Variants in TRPM3 observed in about 807,000 individuals in gnomAD.
TRPM3 encodes the protein long transient receptor potential channel 3.
Under a neutral mutation model 181.2 loss-of-function variants are expected in TRPM3, and 77 were observed. That is an observed-to-expected ratio of 0.42 (90% CI 0.35 to 0.51). The LOEUF (loss-of-function observed/expected upper bound fraction) is 0.51. Ranked by LOEUF, TRPM3 falls within the 20% of genes least tolerant of loss-of-function variation. The probability of loss-of-function intolerance (pLI) is 0.01; values close to 1 mark genes in which losing one functional copy is unlikely to be tolerated. For missense variants in TRPM3, 1,759 were observed against 2,196.7 expected, an observed-to-expected ratio of 0.80 and a Z score of 3.98; for synonymous variants, 745 against 796.4, an observed-to-expected ratio of 0.94 and a Z score of 1.09.
At chr9:71,130,923 A>C (rs796652457) in intron 1 of TRPM3, among the ~76,000 whole-genome samples, 54 of 152,334 alleles carry the variant, frequency 3.5e-4, no homozygotes, top group African/African-American at 1.3e-3. Context: ...TTGTACTTTA[A>C]TTAAATTCTT....
chr9:70,572,130 G>A (rs1370933578), intron 22 of TRPM3, among the ~76,000 whole-genome samples: 2 of 152,030 alleles, frequency 1.3e-5, no homozygotes, highest in African/African-American at 4.8e-5. Flanking sequence ...GTGTGTGTGT[G>A]TGTGTGTGTT....
At chr9:71,227,203 T>G (rs1206501702) in intron 1 of TRPM3, among the ~76,000 whole-genome samples, 1 of 151,676 alleles carries the variant, frequency 6.6e-6, no homozygotes, top group African/African-American at 2.4e-5. Context: ...AGAAGAATTT[T>G]GGAAACCATA....
At chr9:71,025,783 A>T (rs2134581223) in intron 1 of TRPM3, among the ~76,000 whole-genome samples, 1 of 152,294 alleles carries the variant, frequency 6.6e-6, no homozygotes, top group Non-Finnish European at 1.5e-5. Flanking sequence ...AAGATGTCCA[A>T]CTAAACACAG....
intron 1 of TRPM3, among the ~76,000 whole-genome samples, chr9:71,106,809 C>A (rs1455522465): frequency 1.3e-5 from 2 of 152,086 alleles, no homozygotes; most frequent in Non-Finnish European, 2.9e-5. Flanking sequence ...TAAAATGTTT[C>A]TCCACAATGA....
intron 1 of TRPM3, among the ~76,000 whole-genome samples, chr9:71,325,800 T>C (rs574997729): frequency 1.3e-5 from 2 of 152,134 alleles, no homozygotes; most frequent in Non-Finnish European, 2.9e-5. Context: ...TGCCACATGC[T>C]TCATTAAATG....
intron 9 of TRPM3, among the ~76,000 whole-genome samples, chr9:70,667,194 A>C (rs1296865317): frequency 1.3e-5 from 2 of 151,958 alleles, no homozygotes; most frequent in Non-Finnish European, 2.9e-5. Flanking sequence ...AGTGGGCATA[A>C]GAGTGCTGAC....
At chr9:71,286,027 AG>A (rs2085251067) in intron 1 of TRPM3, among the ~76,000 whole-genome samples, 1 of 142,800 alleles carries the variant, frequency 7.0e-6, no homozygotes, top group Non-Finnish European at 1.6e-5. Context: ...TGTGATTTTC[AG>A]GGAAAGAAAA....
At chr9:70,578,923 C>T (rs537128157) in intron 22 of TRPM3, among the ~76,000 whole-genome samples, 7 of 152,290 alleles carry the variant, frequency 4.6e-5, no homozygotes, top group East Asian at 1.9e-4. Context: ...ATGTTAGTAG[C>T]GCCCCCTGGG....
chr9:70,774,877 A>T (rs1391318956), intron 7 of TRPM3: 1 of 151,746 alleles, frequency 6.6e-6, no homozygotes, highest in Non-Finnish European at 1.5e-5. Flanking sequence ...AACTGAATGG[A>T]GACTTTTCTA....
intron 1 of TRPM3, among the ~76,000 whole-genome samples, chr9:71,110,874 G>T (rs1222268475): frequency 7.9e-5 from 12 of 152,100 alleles, no homozygotes; most frequent in South Asian, 2.1e-4. Context: ...ATCTTTGAAT[G>T]CTCACATGAG....
chr9:71,399,472 C>T, intron 1 of TRPM3, among the ~76,000 whole-genome samples: 1 of 147,410 alleles, frequency 6.8e-6, no homozygotes, highest in East Asian at 2.0e-4. Flanking sequence ...AGTAAGCTAT[C>T]TTTGGATAAT....
chr9:70,553,004 G>T lies in TRPM3; in HGVS notation c.3414C>A (p.Val1138=), dbSNP rs532630333. 6.2e-7 allele frequency: 1 copy of T among 1,614,190 alleles called. No homozygotes were observed. Among genetic ancestry groups the T allele is most frequent in the African/African-American group, 1.3e-5 (1 of 75,044 alleles). Residue 1138 remains valine, a synonymous_variant, in exon 24 of 26, where the codon GTC becomes GTA. Transcript: ENST00000677713. The stretch of plus-strand genomic sequence containing the variant: ...TGAGCTGATACCTCTGAAACTTCCA[G>T]ACTTGGTTGGATATCGATTTTACTT... ...FFEVKSISNQ[V]WKFQRYQLIM...
chr9:70,778,469 C>CCCTT (rs2081871654), intron 7 of TRPM3, among the ~76,000 whole-genome samples: 3 of 152,148 alleles, frequency 2.0e-5, no homozygotes, highest in Non-Finnish European at 4.4e-5. Flanking sequence ...ACTTGGAAAA[C>CCCTT]AGTTTACAAA....
chr9:70,537,091 G>T lies in TRPM3; in HGVS notation c.4022C>A (p.Thr1341Asn), dbSNP rs940339995. 6 of 1,609,888 alleles carry T rather than the reference G, an allele frequency of 3.7e-6. No homozygotes were observed. The highest frequency in any genetic ancestry group is 5.1e-6 in the Non-Finnish European group (6 of 1,176,488). The change falls in exon 26 of 26, where the codon ACC becomes AAC. Residue 1341 changes from threonine (T) to asparagine (N), a missense_variant. This residue lies in a region of TRPM3 where 612 missense variants were observed against 590.0 expected (regional missense o/e 1.04). Transcript: ENST00000677713. ...ATGGCTTCGCATACGGGGCATTAAGGTTGGAGAAGTTGGGGACATGGTCTC... is the reference window on the plus strand; with the variant it reads ...ATGGCTTCGCATACGGGGCATTAAGTTTGGAGAAGTTGGGGACATGGTCTC... ...GEETMSPTSP[T>N]LMPRMRSHSF...
chr9:70,961,208 G>A (rs758355310), intron 1 of TRPM3, among the ~76,000 whole-genome samples: 23 of 152,054 alleles, frequency 1.5e-4, no homozygotes, highest in Non-Finnish European at 1.9e-4. Flanking sequence ...ATGGAGGAAG[G>A]GGACACAAGC....
intron 16 of TRPM3, among the ~76,000 whole-genome samples, chr9:70,619,413 T>C (rs2063292630): frequency 9.3e-6 from 1 of 107,418 alleles, no homozygotes; most frequent in African/African-American, 3.5e-5. Flanking sequence ...CTTCTTTTTT[T>C]TTTTTTTTTT....
chr9:70,688,298 A>AC (rs1288690116), intron 8 of TRPM3, among the ~76,000 whole-genome samples: 1 of 151,550 alleles, frequency 6.6e-6, no homozygotes, highest in East Asian at 1.9e-4. Flanking sequence ...AAAACTTTAA[A>AC]AAAATTATTT....
chr9:71,371,920 T>A (rs1182760575), intron 1 of TRPM3, among the ~76,000 whole-genome samples: 2 of 152,180 alleles, frequency 1.3e-5, no homozygotes, highest in Non-Finnish European at 1.5e-5. Context: ...GCTGCACAGA[T>A]CCTCTCATCA....
At chr9:70,558,893 C>A (rs1164555366) in intron 22 of TRPM3, among the ~76,000 whole-genome samples, 1 of 152,050 alleles carries the variant, frequency 6.6e-6, no homozygotes. Flanking sequence ...ATGGCAGAAG[C>A]CTGGAAATGC....
Sources: allele counts gnomAD v4.1 joint callset (sites outside exome capture counted in the v4.1 genomes callset), GRCh38; gene constraint gnomAD v4.1.1; regional missense constraint gnomAD v4.1.1; transcripts MANE v1.5; gene names NCBI Gene and HGNC (gene_info 2026-07-23, HGNC 2026-07-21).